GBP2: variants seen among roughly 807,000 people sequenced by gnomAD.
GBP2 encodes guanylate-binding protein 2.
A neutral mutation model predicts 60.8 loss-of-function variants in GBP2; 54 were observed. That is an observed-to-expected ratio of 0.89 (90% CI 0.71 to 1.11). The LOEUF is 1.11. Among genes scored for constraint, GBP2 ranks in the 50% most tolerant of loss-of-function variants. The pLI is 0.00. For missense variants in GBP2, 665 were observed against 703.3 expected (o/e 0.95, Z 0.62); for synonymous variants, 243 against 256.5 (o/e 0.95, Z 0.50).
At chr1:89,110,607 C>T (rs890014603) in intron 8 of GBP2, among the ~76,000 whole-genome samples, 1 of 152,098 alleles carries the variant, frequency 6.6e-6, no homozygotes, top group African/African-American at 2.4e-5. Flanking sequence ...AGTGAAGTAA[C>T]TCAGGAATGG....
Position 89,112,454 on chromosome 1 carries a change from AC to A in GBP2, c.1362+17del, listed in dbSNP as rs761857943. The A allele has an allele frequency of 6.2e-7, 1 of 1,605,356 alleles. No homozygotes were observed. The highest frequency in any genetic ancestry group is 1.7e-5 in the Admixed American group (1 of 59,980). ...CCCTCAGCGAGTCCCAAGAAATGGT[AC>A]CCACCGTGTAGTTTACCTGTATCCC... On this transcript the variant is annotated intron_variant, in intron 8 of 10. Transcript: ENST00000370466.
intron 4 of GBP2, 84 bp downstream of exon 4, chr1:89,120,095 T>C: frequency 1.1e-6 from 1 of 914,754 alleles, no homozygotes; most frequent in South Asian, 1.4e-5. Context: ...CTTCAGTACC[T>C]GTCTGTCTGC....
chr1:89,109,575 TG>T, intron 10 of GBP2, 101 bp downstream of exon 10: 1 of 919,912 alleles, frequency 1.1e-6, no homozygotes, highest in Non-Finnish European at 1.7e-6. Context: ...TAGTAGTGTC[TG>T]GGCTAGAAAG....
chr1:89,111,133 G>A (rs1403079235), intron 8 of GBP2, among the ~76,000 whole-genome samples: 2 of 151,970 alleles, frequency 1.3e-5, no homozygotes, highest in African/African-American at 4.8e-5. Context: ...TAAAAAAACT[G>A]GGTATAGGTG....
intron 1 of GBP2, among the ~76,000 whole-genome samples, chr1:89,122,432 C>A (rs986140305): frequency 6.6e-6 from 1 of 152,152 alleles, no homozygotes; most frequent in African/African-American, 2.4e-5. Flanking sequence ...GTTCCTTATT[C>A]TTTCCTTGTC....
At chr1:89,110,107 GCTAA>G (rs1681133429) in intron 9 of GBP2, 53 bp downstream of exon 9, 9 of 1,263,622 alleles carry the variant, frequency 7.1e-6, no homozygotes, top group Non-Finnish European at 1.0e-5. Flanking sequence ...GACCAATATT[GCTAA>G]CTAACATTTT....
chr1:89,121,698 T>C, intron 2 of GBP2, 79 bp downstream of exon 2: 1 of 1,444,804 alleles, frequency 6.9e-7, no homozygotes, highest in East Asian at 2.3e-5. Context: ...CTCATCTCTT[T>C]CTATGCTCAC....
At chr1:89,110,083 A>G (rs1197609994) in intron 9 of GBP2, 81 bp downstream of exon 9, 2 of 1,074,102 alleles carry the variant, frequency 1.9e-6, no homozygotes, top group East Asian at 4.7e-5. Context: ...TCTCTACAAT[A>G]ATAATTCCAG....
Position 89,116,975 on chromosome 1 carries a change from T to C in GBP2, c.868+17A>G. 6.2e-7 allele frequency: 1 copy of C among 1,613,322 alleles called. No individual in the cohort carries two copies. Among genetic ancestry groups the C allele is most frequent in the Non-Finnish European group, 8.5e-7 (1 of 1,179,346 alleles). ...GGAGAAAGTCCAGGTAGGAAGTGGG[T>C]AGAGAGAGTGACTCACGAGGCCCAT... is the stretch of plus-strand genomic sequence containing the variant. On this transcript the variant is annotated intron_variant, in intron 6 of 10. Coordinates refer to ENST00000370466, the MANE Select transcript of GBP2 (RefSeq NM_004120.5).
chr1:89,117,873 C>T, intron 4 of GBP2, 100 bp from the exon 5 acceptor site: 1 of 838,794 alleles, frequency 1.2e-6, no homozygotes, highest in Non-Finnish European at 1.8e-6. Context: ...TTTATTAGCT[C>T]ATTCATTCAT....
Position 89,125,921 on chromosome 1 carries a change from C to A in GBP2, c.-76G>T, listed in dbSNP as rs1471309565. The A allele has an allele frequency of 6.6e-6, 1 of 152,238 alleles. No individual in the cohort carries two copies. Among genetic ancestry groups the A allele is most frequent in the East Asian group, 1.9e-4 (1 of 5,196 alleles). 9.4% of individuals were successfully genotyped at this position (152,238 alleles called of 1,614,324 possible). ...GTTGTTCCAATGTGAAAGTCGAGTC[C>A]TTTTCCTCCTCTCTTTTCTTCCGAG... On this transcript the variant is annotated 5_prime_UTR_variant, in exon 1 of 11. The change creates a new upstream start codon in the 5' untranslated region. Coordinates refer to ENST00000370466, the MANE Select transcript of GBP2 (RefSeq NM_004120.5).
chr1:89,109,405 A>G (rs7519323), intron 10 of GBP2, among the ~76,000 whole-genome samples: 111,727 of 152,146 alleles, frequency 0.73, 41,289 homozygotes, highest in African/African-American at 0.8. Flanking sequence ...TCTACCATTA[A>G]AGGAAAATTT....
In GBP2 at chr1:89,112,490, C is replaced by G; in HGVS notation, c.1344G>C (p.Val448=). The change falls in exon 8 of 11, where the codon GTG becomes GTC. Residue 448 remains valine (V), a synonymous_variant. Transcript: ENST00000370466. ...LQELKNKYYQ[V]PRKGIQAKEV... ...AGTTTACCTGTATCCCCTTCCTTGG[C>G]ACCTGGTAGTACTTATTCTTCAGCT... 1 of 1,614,106 alleles carries G rather than the reference C, an allele frequency of 6.2e-7. No individual in the cohort carries two copies. Among genetic ancestry groups the G allele is most frequent in the African/African-American group, 1.3e-5 (1 of 75,038 alleles).
chr1:89,121,661 A>G, intron 2 of GBP2, 116 bp downstream of exon 2: 1 of 1,099,286 alleles, frequency 9.1e-7, no homozygotes, highest in African/African-American at 1.6e-5. Flanking sequence ...CCATTAATGG[A>G]CTGAAAGTTA....
At chr1:89,110,348 G>A (rs968351420) in intron 8 of GBP2, 82 bp from the exon 9 acceptor site, 25 of 994,472 alleles carry the variant, frequency 2.5e-5, no homozygotes, top group Non-Finnish European at 3.6e-5. Flanking sequence ...TATCTACCCA[G>A]AGGAAAATAA....
chr1:89,122,293 T>A (rs1254424723), intron 1 of GBP2, among the ~76,000 whole-genome samples: 2 of 152,192 alleles, frequency 1.3e-5, no homozygotes, highest in Admixed American at 6.5e-5. Context: ...GGTAGAGTGA[T>A]AACTAATTTA....
chr1:89,109,535 G>A, intron 10 of GBP2, 142 bp downstream of exon 10: 1 of 634,662 alleles, frequency 1.6e-6, no homozygotes, highest in Non-Finnish European at 2.7e-6. Flanking sequence ...AGAGATGACT[G>A]GCATAAAAAT....
intron 6 of GBP2, 106 bp from the exon 7 acceptor site, chr1:89,114,402 G>A (rs113243449): frequency 7.7e-7 from 1 of 1,306,848 alleles, no homozygotes; most frequent in South Asian, 1.5e-5. Context: ...AATAAGTTTT[G>A]GATAAAGAAT....
chr1:89,115,917 T>C (rs1029546160), intron 6 of GBP2, among the ~76,000 whole-genome samples: 1 of 152,174 alleles, frequency 6.6e-6, no homozygotes, highest in South Asian at 2.1e-4. Context: ...TTTCTTGAAG[T>C]TGCAAAGTTC....
Sources: allele counts gnomAD v4.1 joint callset (sites outside exome capture counted in the v4.1 genomes callset), GRCh38; gene constraint gnomAD v4.1.1; transcripts MANE v1.5; gene names NCBI Gene and HGNC (gene_info 2026-07-23, HGNC 2026-07-21).